The following SMARCE1 variants were observed in gnomAD, a reference collection of about 807,000 sequenced individuals.
SMARCE1 encodes SWI/SNF related BAF chromatin remodeling complex subunit E1.
In SMARCE1, 13 loss-of-function variants were observed where a neutral mutation model predicts 54.9. The observed-to-expected ratio is 0.24, with a 90% CI of 0.15 to 0.38. SMARCE1 has a LOEUF of 0.38. SMARCE1 is among the 10% of genes least tolerant of loss of function. The pLI is 1.00. For missense variants in SMARCE1, 295 were observed against 523.8 expected (o/e 0.56, Z 4.26); for synonymous variants, 151 against 175.3 (o/e 0.86, Z 1.10).
At chr17:40,631,965 C>G (rs763126850) in intron 8 of SMARCE1, 24 of 545,314 alleles carry the variant, frequency 4.4e-5, no homozygotes, top group Non-Finnish European at 6.4e-5. Context: ...TAAGTTCACA[C>G]GTATTTCTTA....
chr17:40,635,103 A>G (rs1319658303), intron 7 of SMARCE1: 2 of 151,642 alleles, frequency 1.3e-5, no homozygotes. Flanking sequence ...CCTCATTGAT[A>G]TTGTCTTTAA....
At chr17:40,631,900 T>C (rs2037098929) in intron 8 of SMARCE1, 2 of 549,284 alleles carry the variant, frequency 3.6e-6, no homozygotes, top group African/African-American at 1.9e-5. Context: ...GAGCAATTCC[T>C]TGGGAAAAAA....
In SMARCE1 at chr17:40,645,846, C is replaced by T; in HGVS notation, c.-44G>A. On this transcript the variant is annotated splice_region_variant and 5_prime_UTR_variant, in exon 2 of 11. Coordinates refer to ENST00000348513, the MANE Select transcript of SMARCE1 (RefSeq NM_003079.5). ...CAGTTCCTTAAGAATGAATCTGAGACACTAAAATAAAAAAAAAAGGAAAAA... is the reference window on the plus strand; with the variant it reads ...CAGTTCCTTAAGAATGAATCTGAGATACTAAAATAAAAAAAAAAGGAAAAA... 1 of 862,662 alleles carries T rather than the reference C, an allele frequency of 1.2e-6. No homozygotes were observed. The highest frequency in any genetic ancestry group is 1.6e-6 in the Non-Finnish European group (1 of 623,682). 53.4% of individuals were successfully genotyped at this position (862,662 alleles called of 1,614,324 possible). A position where few individuals can be genotyped will look rare whatever the true frequency, so the allele number is the denominator to read the frequency against.
intron 7 of SMARCE1, chr17:40,633,743 C>A (rs2037119209): frequency 6.6e-6 from 1 of 152,108 alleles, no homozygotes; most frequent in Non-Finnish European, 1.5e-5. Context: ...TGAGTAATTT[C>A]TTTAGGAAAT....
intron 5 of SMARCE1, chr17:40,636,777 C>G (rs1334372083): frequency 2.1e-5 from 7 of 329,992 alleles, no homozygotes; most frequent in Admixed American, 8.9e-5. Context: ...ATTTGATAAG[C>G]AAGAATATCT....
chr17:40,630,169 T>TA, intron 10 of SMARCE1: 2 of 1,039,236 alleles, frequency 1.9e-6, no homozygotes, highest in East Asian at 5.2e-5. Flanking sequence ...GTACTTTATG[T>TA]AAGTTTTATT....
At chr17:40,635,868 G>A (rs1440120416) in intron 7 of SMARCE1, 63 bp downstream of exon 7, 12 of 1,199,628 alleles carry the variant, frequency 1.0e-5, no homozygotes, top group Non-Finnish European at 1.3e-5. Context: ...TTATACTTAA[G>A]AGATTTCTCA....
At chr17:40,635,043 CCCA>C (rs1364944141) in intron 7 of SMARCE1, 2 of 151,840 alleles carry the variant, frequency 1.3e-5, no homozygotes, top group Non-Finnish European at 2.9e-5. Flanking sequence ...TCTGTTTTTC[CCCA>C]CTTTTATCAA....
intron 7 of SMARCE1, chr17:40,634,493 TGCC>T (rs2037127137): frequency 6.6e-6 from 1 of 152,254 alleles, no homozygotes; most frequent in Non-Finnish European, 1.5e-5. Context: ...TTCATGCAGA[TGCC>T]ACCTTTCTGT....
intron 2 of SMARCE1, 22 bp downstream of exon 2, chr17:40,645,773 TA>T: frequency 8.8e-7 from 1 of 1,133,850 alleles, no homozygotes; most frequent in Non-Finnish European, 1.2e-6. Flanking sequence ...CATAGATTGA[TA>T]AATATAAAAA....
At chr17:40,636,150 A>T in intron 6 of SMARCE1, 48 bp from the exon 7 acceptor site, 7 of 1,462,904 alleles carry the variant, frequency 4.8e-6, no homozygotes, top group Non-Finnish European at 6.6e-6. Flanking sequence ...TTTGCAGGTT[A>T]TAATGCAGAC....
At chr17:40,641,774 G>A (rs189314072) in intron 4 of SMARCE1, 1 of 151,832 alleles carries the variant, frequency 6.6e-6, no homozygotes, top group South Asian at 2.1e-4. Flanking sequence ...TGATATCTTA[G>A]GCTGATCACT....
At chr17:40,646,440 A>C (rs2144016711) in intron 1 of SMARCE1, among the ~76,000 whole-genome samples, 1 of 152,272 alleles carries the variant, frequency 6.6e-6, no homozygotes, top group Middle Eastern at 3.4e-3. Flanking sequence ...CCATTTCAAA[A>C]TTTTTCTCCT....
rs1042908466 is a variant in SMARCE1, at chr17:40,630,940, C to A, written c.817-16G>T. The stretch of plus-strand genomic sequence containing the variant: ...GACCGCACAACTAATCAGAAAAAAA[C>A]AGAACTCCGTAATGTTTTTTCCTTA... On this transcript the variant is annotated splice_polypyrimidine_tract_variant and intron_variant, in intron 9 of 10. Coordinates refer to ENST00000348513, the MANE Select transcript of SMARCE1 (RefSeq NM_003079.5). 1 of 1,598,616 alleles carries A rather than the reference C, an allele frequency of 6.3e-7. No homozygotes were observed.
In SMARCE1 at chr17:40,642,347, A is replaced by G. The variant is rs1211759994; in HGVS notation, c.156+108T>C. The G allele has an allele frequency of 1.3e-6, 1 of 782,786 alleles. No homozygotes were observed. The highest frequency in any genetic ancestry group is 2.3e-6 in the Non-Finnish European group (1 of 434,338). 48.5% of individuals were successfully genotyped at this position (782,786 alleles called of 1,614,324 possible). The stretch of plus-strand genomic sequence containing the variant: ...AAAATACTCAAAAAGCTAGGTTAAA[A>G]AATTTTTTTTAAATGGCTGTGCTTA... On this transcript the variant is annotated intron_variant, in intron 4 of 10. Transcript: ENST00000348513. The surrounding 1 kb of genome is among the most constrained non-coding windows in gnomAD (Gnocchi z 4.6).
At chr17:40,644,712 C>A (rs2037236436) in intron 3 of SMARCE1, 1 of 152,074 alleles carries the variant, frequency 6.6e-6, no homozygotes, top group Non-Finnish European at 1.5e-5. Context: ...GCGGAGAAAA[C>A]TAAGTTACAC....
At chr17:40,630,271 A>G in intron 10 of SMARCE1, 1 of 1,535,744 alleles carries the variant, frequency 6.5e-7, no homozygotes, top group Non-Finnish European at 8.9e-7. Flanking sequence ...TCTAGGACAG[A>G]GCTGGCAATT....
At chr17:40,632,170 T>C in intron 8 of SMARCE1, 25 bp downstream of exon 8, 1 of 1,583,198 alleles carries the variant, frequency 6.3e-7, no homozygotes, top group Non-Finnish European at 8.6e-7. Context: ...CACATCTTAT[T>C]GAAATGAATG....
intron 5 of SMARCE1, chr17:40,636,891 G>T: frequency 5.8e-6 from 1 of 171,652 alleles, no homozygotes; most frequent in South Asian, 1.4e-4. Context: ...GCATAACACG[G>T]TACATCATAT....
Sources: gnomAD v4.1 joint callset for allele counts (sites outside exome capture counted in the v4.1 genomes callset) on GRCh38, gnomAD v4.1.1 for gene constraint, Gnocchi (gnomAD v3.1) non-coding constraint, MANE v1.5 for transcripts, NCBI Gene and HGNC (gene_info 2026-07-23, HGNC 2026-07-21) for gene names.